Variants in CMSS1 observed in about 807,000 individuals in gnomAD.
CMSS1 encodes the protein cms1 ribosomal small subunit homolog.
CMSS1 carries 33 observed loss-of-function variants against 43.5 expected under a neutral mutation model. That is an observed-to-expected ratio of 0.76 (90% confidence interval 0.57 to 1.01). CMSS1 has a LOEUF of 1.01. CMSS1 is among the 50% of genes least tolerant of loss of function. CMSS1 has a pLI of 0.00. For missense variants in CMSS1, 313 were observed against 326.4 expected (o/e 0.96, Z 0.32); for synonymous variants, 115 against 117.2 (o/e 0.98, Z 0.12).
At chr3:100,075,886 G>T (rs34922392) in intron 1 of CMSS1, among the ~76,000 whole-genome samples, 32,083 of 152,010 alleles carry the variant, frequency 0.21, 3,516 homozygotes, top group South Asian at 0.26. Context: ...TAATCCTTCT[G>T]GGGTATTAGG....
chr3:99,858,082 C>T (rs549659519), intron 1 of CMSS1, among the ~76,000 whole-genome samples: 1 of 152,198 alleles, frequency 6.6e-6, no homozygotes, highest in African/African-American at 2.4e-5. Flanking sequence ...CCTTTACACT[C>T]AAAAAATTTT....
At chr3:99,996,369 A>G (rs901758239) in intron 1 of CMSS1, among the ~76,000 whole-genome samples, 1 of 152,194 alleles carries the variant, frequency 6.6e-6, no homozygotes, top group African/African-American at 2.4e-5. Context: ...TATCACTGCC[A>G]GGCCTTGGTC....
intron 1 of CMSS1, among the ~76,000 whole-genome samples, chr3:99,823,051 A>G (rs1334164352): frequency 6.6e-6 from 1 of 152,214 alleles, no homozygotes; most frequent in Non-Finnish European, 1.5e-5. Context: ...TCGCATTCTC[A>G]TTATCAGTGG....
chr3:99,982,116 A>G (rs376443898), intron 1 of CMSS1, among the ~76,000 whole-genome samples: 6 of 152,226 alleles, frequency 3.9e-5, no homozygotes, highest in Non-Finnish European at 8.8e-5. Flanking sequence ...GTATAATGTT[A>G]TAATTAGTTT....
At chr3:99,905,180 G>A (rs1231100735) in intron 1 of CMSS1, among the ~76,000 whole-genome samples, 1 of 152,150 alleles carries the variant, frequency 6.6e-6, no homozygotes, top group Non-Finnish European at 1.5e-5. Context: ...GCCAGGACAG[G>A]CCAACTCTTT....
intron 9 of CMSS1, 42 bp downstream of exon 9, chr3:100,176,457 A>C: frequency 7.5e-7 from 1 of 1,336,098 alleles, no homozygotes; most frequent in Non-Finnish European, 1.1e-6. Flanking sequence ...TTTTTTCTCT[A>C]TTTGAACTTG....
intron 1 of CMSS1, among the ~76,000 whole-genome samples, chr3:100,133,786 T>C (rs866080512): frequency 6.6e-6 from 1 of 152,186 alleles, no homozygotes; most frequent in African/African-American, 2.4e-5. Flanking sequence ...AGTTTGTCAA[T>C]AGGAAACTTT....
chr3:99,825,566 T>TA (rs1456135978), intron 1 of CMSS1, among the ~76,000 whole-genome samples: 2 of 152,278 alleles, frequency 1.3e-5, no homozygotes, highest in South Asian at 2.1e-4. Flanking sequence ...TGACAACAAT[T>TA]ACGAACATTT....
intron 1 of CMSS1, among the ~76,000 whole-genome samples, chr3:100,003,117 C>T (rs2107170876): frequency 6.6e-6 from 1 of 152,280 alleles, no homozygotes; most frequent in Non-Finnish European, 1.5e-5. Flanking sequence ...AGCACTGTAG[C>T]CTCACACTTA....
intron 1 of CMSS1, among the ~76,000 whole-genome samples, chr3:99,969,695 A>G (rs1708758239): frequency 6.6e-6 from 1 of 152,186 alleles, no homozygotes; most frequent in African/African-American, 2.4e-5. Context: ...TCATCTTCAC[A>G]TAATGGATAG....
chr3:100,046,165 C>T (rs2065275794), intron 1 of CMSS1, among the ~76,000 whole-genome samples: 1 of 152,138 alleles, frequency 6.6e-6, no homozygotes, highest in Admixed American at 6.5e-5. Flanking sequence ...CATCAAATTT[C>T]CCAGGGCACT....
intron 1 of CMSS1, among the ~76,000 whole-genome samples, chr3:99,839,406 C>T (rs1332950163): frequency 6.6e-6 from 1 of 152,140 alleles, no homozygotes; most frequent in Non-Finnish European, 1.5e-5. Flanking sequence ...AAGCCTGTAT[C>T]CTAATAGAAG....
chr3:100,153,926 C>T (rs564048855), intron 2 of CMSS1, among the ~76,000 whole-genome samples: 1 of 151,836 alleles, frequency 6.6e-6, no homozygotes, highest in East Asian at 1.9e-4. Flanking sequence ...TCTCAGCTCA[C>T]TGCAACCTCT....
chr3:100,075,273 C>T (rs1167170948), intron 1 of CMSS1, among the ~76,000 whole-genome samples: 1 of 152,148 alleles, frequency 6.6e-6, no homozygotes, highest in African/African-American at 2.4e-5. Flanking sequence ...CTTCTAATGA[C>T]ACAAGAGAAC....
chr3:100,078,335 T>C (rs2065880985), intron 1 of CMSS1, among the ~76,000 whole-genome samples: 1 of 152,232 alleles, frequency 6.6e-6, no homozygotes, highest in South Asian at 2.1e-4. Context: ...GAACTTTGCC[T>C]AATTTTTTTT....
At position 100,166,365 on chromosome 3, in the gene CMSS1, C is replaced by T. The variant is rs374911258; in HGVS notation, c.386C>T (p.Thr129Ile). ...TGTTTCCTCAAGGCCAATGATTTGACTCACAGTCTTTCCTCATACCTAAAA... is the reference window on the plus strand; with the variant it reads ...TGTTTCCTCAAGGCCAATGATTTGATTCACAGTCTTTCCTCATACCTAAAA... ...DSCFLKANDL[T>I]HSLSSYLKEI... Residue 129 changes from threonine to isoleucine, a missense_variant, in exon 5 of 10, where the codon ACT becomes ATT. Physicochemically the swap from Thr to Ile is moderately conservative, Grantham distance 89. Transcript: ENST00000421999. 4 of 1,597,360 alleles carry T rather than the reference C, an allele frequency of 2.5e-6. No homozygotes were observed. Among genetic ancestry groups the T allele is most frequent in the Non-Finnish European group, 3.4e-6 (4 of 1,165,254 alleles).
chr3:100,046,625 C>T (rs1381665428), intron 1 of CMSS1, among the ~76,000 whole-genome samples: 1 of 152,152 alleles, frequency 6.6e-6, no homozygotes, highest in African/African-American at 2.4e-5. Flanking sequence ...GTTGTCATTA[C>T]AGGGAATGAC....
intron 1 of CMSS1, among the ~76,000 whole-genome samples, chr3:100,043,996 C>A (rs6799379): frequency 6.6e-6 from 1 of 151,958 alleles, no homozygotes; most frequent in African/African-American, 2.4e-5. Context: ...GTTCCATCCA[C>A]GTTGTTGGAA....
intron 1 of CMSS1, among the ~76,000 whole-genome samples, chr3:100,021,942 TGTGTGTGTGTGTGTGTGTGAGA>T (rs1316379775): frequency 1.6e-5 from 2 of 128,032 alleles, no homozygotes; most frequent in Admixed American, 8.3e-5. Flanking sequence ...TGTGTGTGTG[TGTGTGTGTGTGTGTGTGTGAGA>T]GAGAGAGAGA....
Sources: gnomAD v4.1 joint callset for allele counts (sites outside exome capture counted in the v4.1 genomes callset) on GRCh38, gnomAD v4.1.1 for gene constraint, MANE v1.5 for transcripts, NCBI Gene and HGNC (gene_info 2026-07-23, HGNC 2026-07-21) for gene names.